Variants in DCLK2 observed in about 807,000 individuals in gnomAD.
DCLK2 encodes doublecortin like kinase 2, also known as serine/threonine-protein kinase DCLK2.
DCLK2 carries 31 observed loss-of-function variants against 78.4 expected under a neutral mutation model. That is an observed-to-expected ratio of 0.40 (90% CI 0.30 to 0.53). The LOEUF is 0.53. Among genes scored for constraint, DCLK2 ranks in the 20% least tolerant of loss-of-function variants. The pLI, the probability that DCLK2 is intolerant of heterozygous loss-of-function variation, is 0.61. For synonymous variants in DCLK2, 407 were observed against 374.9 expected (o/e 1.09, Z -0.99); for missense variants, 872 against 973.7 (o/e 0.90, Z 1.39).
In DCLK2 at chr4:150,194,177, T is replaced by G. The variant is rs138870838; in HGVS notation, c.859+937T>G. On this transcript the variant is annotated intron_variant, in intron 3 of 15. Transcript: ENST00000296550. Reference sequence around the variant, plus strand: ...GTCCCATCAGGATTTTTACAATACCTTCTCGATGTTTAGATGCACAGGTCC... The same window carrying G: ...GTCCCATCAGGATTTTTACAATACCGTCTCGATGTTTAGATGCACAGGTCC... Among the ~76,000 whole-genome samples, 74 of 152,240 alleles carry G rather than the reference T, an allele frequency of 4.9e-4. No homozygotes were observed. The East Asian group carries it at 9.3e-3, about 19-fold the overall frequency.
intron 2 of DCLK2, among the ~76,000 whole-genome samples, chr4:150,140,786 A>G (rs1403248463): frequency 3.9e-5 from 6 of 152,204 alleles, no homozygotes; most frequent in Non-Finnish European, 8.8e-5. Flanking sequence ...GGTTAAAATC[A>G]TTTGAGAATA....
intron 12 of DCLK2, 26 bp from the exon 13 acceptor site, chr4:150,247,577 C>T (rs768051211): frequency 3.7e-6 from 6 of 1,603,618 alleles, no homozygotes; most frequent in Non-Finnish European, 5.1e-6. Flanking sequence ...TTTGACTTTT[C>T]TTCCATTTCT....
Position 150,079,012 on chromosome 4 carries a change from C to T in DCLK2, c.-16C>T, listed in dbSNP as rs566525640. On this transcript the variant is annotated 5_prime_UTR_variant, in exon 1 of 16. Transcript: ENST00000296550. ...GCCCGGAACGTCTTTTTGCGGACGCCCTCGGAGCAGCCGCGATGGCCAGCA... is the reference window on the plus strand; with the variant it reads ...GCCCGGAACGTCTTTTTGCGGACGCTCTCGGAGCAGCCGCGATGGCCAGCA... 81 of 1,518,292 alleles carry T rather than the reference C, an allele frequency of 5.3e-5. No homozygotes were observed. In the South Asian group the frequency reaches 1.0e-3, roughly 20 times the overall value. The allele number at this position is 1,518,292 out of a possible 1,614,324, so 94.1% of individuals were successfully genotyped here.
rs77207337 is a variant in DCLK2 at position 150,226,434 on chromosome 4, C to T, written c.1299+1876C>T. ...TCCATACATGTAAGGGTTCTGCTTTCGATGTGGTGGTGTGTGATTTAAGCA... is the reference window on the plus strand; with the variant it reads ...TCCATACATGTAAGGGTTCTGCTTTTGATGTGGTGGTGTGTGATTTAAGCA... On this transcript the variant is annotated intron_variant, in intron 8 of 15. Coordinates refer to ENST00000296550, the MANE Select transcript of DCLK2 (RefSeq NM_001040260.4). Among the ~76,000 whole-genome samples the T allele has an allele frequency of 8.5e-4, 129 of 151,584 alleles. 3 individuals carry two copies. The East Asian group carries it at 0.024, about 28-fold the overall frequency.
At chr4:150,248,951 C>T (rs1383147144) in intron 14 of DCLK2, among the ~76,000 whole-genome samples, 3 of 152,012 alleles carry the variant, frequency 2.0e-5, no homozygotes, top group Admixed American at 6.6e-5. Context: ...CTCCCATTTC[C>T]GTCATTTCTG....
At position 150,199,070 on chromosome 4, in the gene DCLK2, A is replaced by G. The variant is rs372316666; in HGVS notation, c.961+967A>G. 9.1e-5 allele frequency: 145 copies of G among 1,596,372 alleles called. No homozygotes were observed. The highest frequency in any genetic ancestry group is 1.2e-4 in the Non-Finnish European group (137 of 1,179,072). On this transcript the variant is annotated intron_variant, in intron 4 of 15. Transcript: ENST00000296550. ...TACTCCAGTGCCTATTCTACAGCCA[A>G]ATCCCCAGGTGAGCCATGACTATTG... is the stretch of plus-strand genomic sequence containing the variant.
intron 15 of DCLK2, among the ~76,000 whole-genome samples, chr4:150,251,753 TCCCCACACA>T (rs1228523670): frequency 4.8e-5 from 4 of 82,662 alleles, no homozygotes; most frequent in Admixed American, 1.3e-4. Context: ...CACCCCACAT[TCCCCACACA>T]CCCCACACAC....
In DCLK2 at chr4:150,256,183, C is replaced by A; in HGVS notation, c.2237C>A (p.Pro746His). 6.4e-7 allele frequency: 1 copy of A among 1,552,892 alleles called. No homozygotes were observed. The change falls in exon 16 of 16, where the codon CCC becomes CAC. Residue 746 changes from proline to histidine, a missense_variant. Physicochemically the swap from Pro to His is moderately conservative, Grantham distance 77. This residue lies in a region of DCLK2 where 219 missense variants were observed against 230.1 expected (regional missense o/e 0.95). Coordinates refer to ENST00000296550, the MANE Select transcript of DCLK2 (RefSeq NM_001040260.4). ...PAPTPPESPT[P>H]HPPPAAPGGE... ...CCCACCCCTCCGGAATCTCCCACCCCCCACCCTCCTCCCGCTGCCCCGGGT... is the reference window on the plus strand; with the variant it reads ...CCCACCCCTCCGGAATCTCCCACCCACCACCCTCCTCCCGCTGCCCCGGGT...
At chr4:150,214,203 G>A (rs1275926582) in intron 5 of DCLK2, among the ~76,000 whole-genome samples, 1 of 152,172 alleles carries the variant, frequency 6.6e-6, no homozygotes, top group Admixed American at 6.5e-5. Context: ...AATTAAAATT[G>A]CTGCCAGAAA....
chr4:150,090,181 G>A (rs1213959592), intron 1 of DCLK2, among the ~76,000 whole-genome samples: 2 of 152,180 alleles, frequency 1.3e-5, no homozygotes, highest in Admixed American at 6.5e-5. Context: ...CGAGGCAGGC[G>A]GATCACCTGA....
In DCLK2 at chr4:150,219,852, G is replaced by T. The variant is rs185957582; in HGVS notation, c.1057-851G>T. 7.2e-5 allele frequency among the ~76,000 whole-genome samples: 11 copies of T among 152,318 alleles called. 1 individual carries two copies. In the East Asian group the frequency reaches 1.9e-3, roughly 27 times the overall value. ...TGGTGGGAAACACATTAGACAAGTA[G>T]GTAGGGGGACAGATCATGGCCCGAA... is the stretch of plus-strand genomic sequence containing the variant. On this transcript the variant is annotated intron_variant, in intron 5 of 15. Coordinates refer to ENST00000296550, the MANE Select transcript of DCLK2 (RefSeq NM_001040260.4).
chr4:150,231,588 T>G (rs1742065620), intron 8 of DCLK2, among the ~76,000 whole-genome samples: 1 of 152,208 alleles, frequency 6.6e-6, no homozygotes, highest in Non-Finnish European at 1.5e-5. Context: ...GGTTGACGTA[T>G]TAAGAATAAT....
chr4:150,256,205 G>A lies in DCLK2; in HGVS notation c.2259G>A (p.Pro753=), dbSNP rs768455393. ...CCCCCCACCCTCCTCCCGCTGCCCC[G>A]GGTGGTGAGCGGGCAGGAACCTGGC... is the stretch of plus-strand genomic sequence containing the variant. ...SPTPHPPPAA[P]GGERAGTWRR... The change falls in exon 16 of 16, where the codon CCG becomes CCA. Residue 753 remains proline, a synonymous_variant. Transcript: ENST00000296550. 9.3e-6 allele frequency: 13 copies of A among 1,391,570 alleles called. No homozygotes were observed. Among genetic ancestry groups the A allele is most frequent in the African/African-American group, 7.5e-5 (4 of 53,034 alleles). 86.2% of individuals were successfully genotyped at this position (1,391,570 alleles called of 1,614,324 possible). A position where few individuals can be genotyped will look rare whatever the true frequency, so the allele number is the denominator to read the frequency against.
At chr4:150,105,596 T>C (rs1486970398) in intron 2 of DCLK2, among the ~76,000 whole-genome samples, 2 of 152,090 alleles carry the variant, frequency 1.3e-5, no homozygotes, top group East Asian at 3.8e-4. Context: ...TTCTTACTAT[T>C]TGAACTAGTA....
At chr4:150,173,419 A>G (rs944405527) in intron 2 of DCLK2, among the ~76,000 whole-genome samples, 6 of 152,144 alleles carry the variant, frequency 3.9e-5, no homozygotes, top group African/African-American at 1.4e-4. Flanking sequence ...TAATAAGACA[A>G]AGAGCAGACA....
chr4:150,177,187 CTCTT>C (rs1233044850), intron 2 of DCLK2, among the ~76,000 whole-genome samples: 1 of 152,078 alleles, frequency 6.6e-6, no homozygotes, highest in African/African-American at 2.4e-5. Flanking sequence ...TTTAAAGGAA[CTCTT>C]TCTATGAATC....
At chr4:150,231,398 T>G (rs548964392) in intron 8 of DCLK2, among the ~76,000 whole-genome samples, 1 of 152,372 alleles carries the variant, frequency 6.6e-6, no homozygotes, top group South Asian at 2.1e-4. Context: ...TGCAGGAGCT[T>G]GAAACAGATT....
chr4:150,175,578 T>G (rs927114348), intron 2 of DCLK2: 1 of 152,120 alleles, frequency 6.6e-6, no homozygotes, highest in Non-Finnish European at 1.5e-5. Flanking sequence ...AAGGAGCCCC[T>G]CTTTGGTCCC....
chr4:150,148,046 C>G, intron 2 of DCLK2, among the ~76,000 whole-genome samples: 1 of 152,162 alleles, frequency 6.6e-6, no homozygotes, highest in South Asian at 2.1e-4. Context: ...AATGAAAAGT[C>G]TTCCTGAAGG....
Sources: allele counts gnomAD v4.1 joint callset (sites outside exome capture counted in the v4.1 genomes callset), GRCh38; gene constraint gnomAD v4.1.1; regional missense constraint gnomAD v4.1.1; transcripts MANE v1.5; gene names NCBI Gene and HGNC (gene_info 2026-07-23, HGNC 2026-07-21).